UBE2E2: variants seen among roughly 807,000 people sequenced by gnomAD.
UBE2E2 encodes the protein ubiquitin-conjugating enzyme E2 E2.
A neutral mutation model predicts 24.7 loss-of-function variants in UBE2E2; 6 were observed. The ratio of observed to expected loss-of-function variants is 0.24; its 90% CI spans 0.13 to 0.48. UBE2E2 has a LOEUF of 0.48. Among genes scored for constraint, UBE2E2 ranks in the 20% least tolerant of loss-of-function variants. The pLI, the probability that UBE2E2 is intolerant of heterozygous loss-of-function variation, is 0.99. For missense variants in UBE2E2, 169 were observed against 245.0 expected (o/e 0.69, Z 2.07); for synonymous variants, 104 against 83.6 (o/e 1.24, Z -1.33).
intron 3 of UBE2E2, among the ~76,000 whole-genome samples, chr3:23,422,914 C>G (rs1029075044): frequency 2.0e-5 from 3 of 152,178 alleles, no homozygotes; most frequent in African/African-American, 7.2e-5. Context: ...ATCTAGATCC[C>G]TGTTCAGCTC....
intron 3 of UBE2E2, among the ~76,000 whole-genome samples, chr3:23,421,463 A>G (rs1360994332): frequency 3.3e-5 from 5 of 152,228 alleles, no homozygotes; most frequent in Non-Finnish European, 5.9e-5. Context: ...CAACATGGAT[A>G]GAACTGGATC....
At chr3:23,540,549 C>T (rs1156480702) in intron 5 of UBE2E2, among the ~76,000 whole-genome samples, 5 of 152,054 alleles carry the variant, frequency 3.3e-5, no homozygotes, top group South Asian at 2.1e-4. Flanking sequence ...AGATTACAGG[C>T]GCGCACCACC....
intron 3 of UBE2E2, among the ~76,000 whole-genome samples, chr3:23,416,646 T>G (rs1575615149): frequency 6.6e-6 from 1 of 152,190 alleles, no homozygotes; most frequent in East Asian, 1.9e-4. Flanking sequence ...TGCAGTGTTT[T>G]CCAACTTGGT....
chr3:23,268,701 A>G (rs1311338847), intron 3 of UBE2E2, among the ~76,000 whole-genome samples: 2 of 149,314 alleles, frequency 1.3e-5, no homozygotes, highest in Non-Finnish European at 3.0e-5. Flanking sequence ...GGAAAAAACT[A>G]CTTTAAAGTT....
At chr3:23,297,289 G>C (rs1575541344) in intron 3 of UBE2E2, among the ~76,000 whole-genome samples, 2 of 151,778 alleles carry the variant, frequency 1.3e-5, no homozygotes, top group East Asian at 3.9e-4. Context: ...AGTTTCTTTT[G>C]CTGTGCAGAA....
In UBE2E2 at chr3:23,311,126, T is replaced by C. The variant is rs574361231; in HGVS notation, c.227+93814T>C. 1.8e-4 allele frequency among the ~76,000 whole-genome samples: 27 copies of C among 152,282 alleles called. No individual in the cohort carries two copies. The South Asian group carries it at 2.7e-3, about 15-fold the overall frequency. On this transcript the variant is annotated intron_variant, in intron 3 of 5. Transcript: ENST00000396703. ...TGCGGTGTTTGGTTTTTTGTCCTTGTGATAGTTTGCTGAGAATGATGGTTT... is the reference window on the plus strand; with the variant it reads ...TGCGGTGTTTGGTTTTTTGTCCTTGCGATAGTTTGCTGAGAATGATGGTTT...
At chr3:23,427,360 G>T (rs941060507) in intron 3 of UBE2E2, among the ~76,000 whole-genome samples, 5 of 151,940 alleles carry the variant, frequency 3.3e-5, no homozygotes, top group African/African-American at 9.7e-5. Flanking sequence ...CACCTGGGAG[G>T]CATAGGTTGC....
intron 3 of UBE2E2, among the ~76,000 whole-genome samples, chr3:23,343,569 CTAAAAAAA>C (rs1441985298): frequency 6.6e-6 from 1 of 151,924 alleles, no homozygotes; most frequent in African/African-American, 2.4e-5. Context: ...GAGACTCCAT[CTAAAAAAA>C]GAAAAAAAGT....
intron 3 of UBE2E2, among the ~76,000 whole-genome samples, chr3:23,308,699 G>GAT (rs895635635): frequency 6.6e-6 from 1 of 152,088 alleles, no homozygotes; most frequent in Admixed American, 6.6e-5. Flanking sequence ...GAACCAATAA[G>GAT]ATATATATAC....
chr3:23,273,242 T>G (rs4858488), intron 3 of UBE2E2, among the ~76,000 whole-genome samples: 6 of 152,092 alleles, frequency 3.9e-5, no homozygotes, highest in African/African-American at 9.7e-5. Context: ...AACTGCAACT[T>G]TAAGAGAAAT....
chr3:23,533,611 A>G (rs975911541), intron 5 of UBE2E2, among the ~76,000 whole-genome samples: 7 of 147,628 alleles, frequency 4.7e-5, no homozygotes, highest in Non-Finnish European at 1.0e-4. Flanking sequence ...TTAAAGTAGC[A>G]AATTAGTATT....
intron 5 of UBE2E2, among the ~76,000 whole-genome samples, chr3:23,588,435 T>A (rs1199363253): frequency 6.6e-6 from 1 of 150,580 alleles, no homozygotes; most frequent in Admixed American, 6.6e-5. Context: ...TCTTTTTTTT[T>A]AAAGAGGGTC....
intron 5 of UBE2E2, among the ~76,000 whole-genome samples, chr3:23,556,696 T>A (rs1325591652): frequency 6.6e-6 from 1 of 152,146 alleles, no homozygotes; most frequent in East Asian, 1.9e-4. Flanking sequence ...ATTTCACTGT[T>A]TTGCCTCACA....
intron 3 of UBE2E2, among the ~76,000 whole-genome samples, chr3:23,340,930 C>G (rs925427390): frequency 6.6e-6 from 1 of 152,132 alleles, no homozygotes; most frequent in African/African-American, 2.4e-5. Context: ...CGTACTCCCC[C>G]CACCAGGAAT....
intron 3 of UBE2E2, among the ~76,000 whole-genome samples, chr3:23,260,668 G>A (rs778589799): frequency 1.3e-5 from 2 of 152,010 alleles, no homozygotes; most frequent in Non-Finnish European, 2.9e-5. Context: ...GGAAGTTAGC[G>A]AGCATGGTGG....
At chr3:23,355,757 C>T (rs1033393405) in intron 3 of UBE2E2, among the ~76,000 whole-genome samples, 4 of 152,146 alleles carry the variant, frequency 2.6e-5, no homozygotes, top group African/African-American at 4.8e-5. Flanking sequence ...ATTGCATGAG[C>T]AATACTGTCA....
intron 3 of UBE2E2, among the ~76,000 whole-genome samples, chr3:23,378,133 A>G (rs35245309): frequency 0.064 from 9,703 of 151,970 alleles, 459 homozygotes; most frequent in Non-Finnish European, 0.088. Flanking sequence ...TTCTTAAAAT[A>G]AAAATACAAA....
At chr3:23,517,095 C>CTT (rs1266162772) in intron 4 of UBE2E2, among the ~76,000 whole-genome samples, 1 of 152,004 alleles carries the variant, frequency 6.6e-6, no homozygotes, top group African/African-American at 2.4e-5. Flanking sequence ...CATGAATCTT[C>CTT]TTTTAAAGGA....
chr3:23,545,808 T>C (rs1207104477), intron 5 of UBE2E2, among the ~76,000 whole-genome samples: 1 of 152,170 alleles, frequency 6.6e-6, no homozygotes, highest in African/African-American at 2.4e-5. Flanking sequence ...GTGATATGTA[T>C]ACACCATGGA....
Sources: gnomAD v4.1 joint callset for allele counts (sites outside exome capture counted in the v4.1 genomes callset) on GRCh38, gnomAD v4.1.1 for gene constraint, MANE v1.5 for transcripts, NCBI Gene and HGNC (gene_info 2026-07-23, HGNC 2026-07-21) for gene names.